The following SDCCAG8 variants were observed in gnomAD, a reference collection of about 807,000 sequenced individuals.
The protein encoded by SDCCAG8 is SHH signaling and ciliogenesis regulator SDCCAG8.
SDCCAG8 carries 74 observed loss-of-function variants against 101.8 expected under a neutral mutation model. The ratio of observed to expected loss-of-function variants is 0.73; its 90% CI spans 0.60 to 0.88. SDCCAG8 has a LOEUF of 0.88. SDCCAG8 is among the 40% of genes least tolerant of loss of function. The pLI, the probability that SDCCAG8 is intolerant of heterozygous loss-of-function variation, is 0.00. For missense variants in SDCCAG8, 787 were observed against 822.6 expected (o/e 0.96, Z 0.53); for synonymous variants, 281 against 292.9 (o/e 0.96, Z 0.41).
chr1:243,475,870 A>G (rs1480797786), intron 16 of SDCCAG8: 16 of 938,714 alleles, frequency 1.7e-5, no homozygotes, highest in Non-Finnish European at 1.8e-5. Context: ...ACTCCTCAAA[A>G]AGCAAAATTT....
chr1:243,467,581 C>G (rs1277756414), intron 16 of SDCCAG8, among the ~76,000 whole-genome samples: 1 of 152,242 alleles, frequency 6.6e-6, no homozygotes, highest in Non-Finnish European at 1.5e-5. Flanking sequence ...TTCTTCATAT[C>G]AGCATCTGAT....
intron 10 of SDCCAG8, among the ~76,000 whole-genome samples, chr1:243,332,881 A>G (rs533015729): frequency 5.9e-5 from 9 of 151,414 alleles, no homozygotes; most frequent in African/African-American, 2.2e-4. Flanking sequence ...TCTGGAGGTG[A>G]TTATCGTAGT....
At chr1:243,297,378 T>C (rs2149303879) in intron 6 of SDCCAG8, among the ~76,000 whole-genome samples, 1 of 152,368 alleles carries the variant, frequency 6.6e-6, no homozygotes, top group East Asian at 1.9e-4. Context: ...TGAGCAGTGC[T>C]GCTATGAACA....
At chr1:243,265,850 A>T (rs927209000) in intron 1 of SDCCAG8, among the ~76,000 whole-genome samples, 2 of 151,494 alleles carry the variant, frequency 1.3e-5, no homozygotes, top group Admixed American at 6.6e-5. Flanking sequence ...TTGTAATCTG[A>T]TGAAAGAACT....
At chr1:243,348,857 A>G (rs2075909408) in intron 12 of SDCCAG8, among the ~76,000 whole-genome samples, 1 of 151,638 alleles carries the variant, frequency 6.6e-6, no homozygotes, top group African/African-American at 2.4e-5. Flanking sequence ...ATGATGGCAC[A>G]TGCCTGTAAT....
chr1:243,499,893 C>G lies in SDCCAG8; in HGVS notation c.*108C>G. Reference sequence around the variant, plus strand: ...CCACGACCTTCCCAGGGTGACACCGCCTCAGCCTGCAGTGGGGCTGGTCCT... The same window carrying G: ...CCACGACCTTCCCAGGGTGACACCGGCTCAGCCTGCAGTGGGGCTGGTCCT... On this transcript the variant is annotated 3_prime_UTR_variant, in exon 18 of 18. Coordinates refer to ENST00000366541, the MANE Select transcript of SDCCAG8 (RefSeq NM_006642.5). 2.8e-6 allele frequency: 3 copies of G among 1,058,396 alleles called. No homozygotes were observed. The highest frequency in any genetic ancestry group is 4.3e-6 in the Non-Finnish European group (3 of 696,388). 65.6% of individuals were successfully genotyped at this position (1,058,396 alleles called of 1,614,324 possible).
At position 243,316,900 on chromosome 1, in the gene SDCCAG8, C is replaced by A; in HGVS notation, c.1068+7C>A. The A allele has an allele frequency of 6.2e-7, 1 of 1,613,496 alleles. No homozygotes were observed. Among genetic ancestry groups the A allele is most frequent in the South Asian group, 1.1e-5 (1 of 90,944 alleles). ...CAATTTTGAAAAAACCAAGGCAAGT[C>A]TAATAAGATGCAAATAAAAGTGTCT... On this transcript the variant is annotated splice_region_variant and intron_variant, in intron 9 of 17. Coordinates refer to ENST00000366541, the MANE Select transcript of SDCCAG8 (RefSeq NM_006642.5).
At chr1:243,442,683 GA>G (rs200140130) in intron 16 of SDCCAG8, among the ~76,000 whole-genome samples, 2,416 of 150,722 alleles carry the variant, frequency 0.016, 34 homozygotes, top group Non-Finnish European at 0.022. Flanking sequence ...TTTTCAGACA[GA>G]AACCAAATGA....
chr1:243,462,597 T>C (rs1396654661), intron 16 of SDCCAG8, among the ~76,000 whole-genome samples: 1 of 152,182 alleles, frequency 6.6e-6, no homozygotes, highest in Non-Finnish European at 1.5e-5. Context: ...GCTCAGAAAA[T>C]ATTTGCTGAG....
chr1:243,388,292 TTGA>T (rs922366104), intron 13 of SDCCAG8, among the ~76,000 whole-genome samples: 8 of 152,176 alleles, frequency 5.3e-5, no homozygotes, highest in African/African-American at 1.9e-4. Context: ...CATTCTGAAA[TTGA>T]TGATAAAGGA....
At chr1:243,480,626 T>G in intron 16 of SDCCAG8, among the ~76,000 whole-genome samples, 1 of 29,130 alleles carries the variant, frequency 3.4e-5, no homozygotes, top group Non-Finnish European at 6.6e-5. Context: ...ATGGGTGGTA[T>G]GGATGGATGG....
chr1:243,490,766 G>T (rs1360551830), intron 17 of SDCCAG8, among the ~76,000 whole-genome samples: 3 of 152,224 alleles, frequency 2.0e-5, no homozygotes, highest in Admixed American at 1.3e-4. Flanking sequence ...GCAGAGGCCT[G>T]CAGAGCAGCA....
At chr1:243,287,441 T>C (rs2069740541) in intron 5 of SDCCAG8, among the ~76,000 whole-genome samples, 1 of 151,980 alleles carries the variant, frequency 6.6e-6, no homozygotes, top group Non-Finnish European at 1.5e-5. Context: ...CTTGAATTGA[T>C]AGTTGGTTTA....
chr1:243,259,555 C>T lies in SDCCAG8; in HGVS notation c.67+3315C>T, dbSNP rs532442027. On this transcript the variant is annotated intron_variant, in intron 1 of 17. Transcript: ENST00000366541. Reference sequence around the variant, plus strand: ...TAAAATGAGGTTGGGCGCGGTGGCTCACGCCTGTAATCCCAGCACTTTGGG... The same window carrying T: ...TAAAATGAGGTTGGGCGCGGTGGCTTACGCCTGTAATCCCAGCACTTTGGG... Among the ~76,000 whole-genome samples the T allele has an allele frequency of 1.6e-4, 24 of 152,020 alleles. No individual in the cohort carries two copies. The South Asian group carries it at 5.0e-3, about 32-fold the overall frequency.
intron 16 of SDCCAG8, 79 bp from the exon 17 acceptor site, chr1:243,488,935 C>T (rs1665695801): frequency 3.7e-6 from 6 of 1,605,400 alleles, no homozygotes; most frequent in Admixed American, 3.3e-5. Flanking sequence ...CAGGGGCTTC[C>T]CTCAGATACA....
At position 243,499,812 on chromosome 1, in the gene SDCCAG8, GATTTACAAAGAGAT is replaced by G. The variant is rs1558564200; in HGVS notation, c.*35_*48del. 1 of 1,605,294 alleles carries G rather than the reference GATTTACAAAGAGAT, an allele frequency of 6.2e-7. No individual in the cohort carries two copies. The highest frequency in any genetic ancestry group is 1.7e-4 in the Middle Eastern group (1 of 6,052). On this transcript the variant is annotated 3_prime_UTR_variant, in exon 18 of 18. Coordinates refer to ENST00000366541, the MANE Select transcript of SDCCAG8 (RefSeq NM_006642.5). ...CTGGATGGAACAGAGTGAAATAAAT[GATTTACAAAGAGAT>G]ATTTACATTCATCTGGTTTAGACTT...
At chr1:243,411,317 A>G (rs2080159596) in intron 13 of SDCCAG8, among the ~76,000 whole-genome samples, 1 of 151,808 alleles carries the variant, frequency 6.6e-6, no homozygotes, top group South Asian at 2.1e-4. Context: ...GGATTGCACC[A>G]GGTTGCCCAG....
chr1:243,359,130 C>T (rs2076551896), intron 12 of SDCCAG8, among the ~76,000 whole-genome samples: 1 of 152,166 alleles, frequency 6.6e-6, no homozygotes, highest in African/African-American at 2.4e-5. Context: ...TGTTAGCCAG[C>T]ACCTTCCTCC....
intron 17 of SDCCAG8, among the ~76,000 whole-genome samples, chr1:243,489,919 C>T (rs1217223144): frequency 2.0e-5 from 3 of 152,112 alleles, no homozygotes; most frequent in African/African-American, 7.2e-5. Context: ...TTTGCTAAAT[C>T]GCTTCTCTTC....
Sources: gnomAD v4.1 joint callset for allele counts (sites outside exome capture counted in the v4.1 genomes callset) on GRCh38, gnomAD v4.1.1 for gene constraint, MANE v1.5 for transcripts, NCBI Gene and HGNC (gene_info 2026-07-23, HGNC 2026-07-21) for gene names.